The following ADAMTS16 variants were observed in gnomAD, a reference collection of about 807,000 sequenced individuals.
ADAMTS16 encodes ADAM metallopeptidase with thrombospondin type 1 motif 16.
Under a neutral mutation model 145.8 loss-of-function variants are expected in ADAMTS16, and 94 were observed. The ratio of observed to expected loss-of-function variants is 0.64; its 90% CI spans 0.55 to 0.77. The LOEUF (loss-of-function observed/expected upper bound fraction) is 0.77, where lower values mean the gene tolerates loss of function less well. Ranked by LOEUF, ADAMTS16 falls within the 30% of genes least tolerant of loss-of-function variation. The probability of loss-of-function intolerance (pLI) is 0.00; values close to 1 mark genes in which losing one functional copy is unlikely to be tolerated. For synonymous variants in ADAMTS16, 659 were observed against 604.3 expected, an observed-to-expected ratio of 1.09 and a Z score of -1.33; for missense variants, 1,585 against 1,591.5, an observed-to-expected ratio of 1.00 and a Z score of 0.07.
chr5:5,272,718 G>A (rs192530922), intron 18 of ADAMTS16, among the ~76,000 whole-genome samples: 171 of 152,284 alleles, frequency 1.1e-3, no homozygotes, highest in African/African-American at 3.8e-3. Context: ...TGGGGCCCAC[G>A]AACGGCACAG....
At chr5:5,200,391 G>A in intron 9 of ADAMTS16, 122 bp downstream of exon 9, 2 of 1,283,536 alleles carry the variant, frequency 1.6e-6, no homozygotes, top group East Asian at 2.4e-5. Context: ...CTTTGAAGGT[G>A]TCTTGAGACA....
chr5:5,232,310 T>TA, intron 11 of ADAMTS16, 58 bp from the exon 12 acceptor site: 17 of 1,607,606 alleles, frequency 1.1e-5, no homozygotes, highest in Non-Finnish European at 1.4e-5. Context: ...AGTGATGAGA[T>TA]GAACCCATCT....
At chr5:5,195,711 G>T (rs1331958809) in intron 8 of ADAMTS16, among the ~76,000 whole-genome samples, 5 of 152,196 alleles carry the variant, frequency 3.3e-5, no homozygotes, top group African/African-American at 1.2e-4. Context: ...TTATTCATCA[G>T]TCTGTCTCTT....
chr5:5,194,785 C>T (rs1242152182), intron 8 of ADAMTS16, among the ~76,000 whole-genome samples: 3 of 152,242 alleles, frequency 2.0e-5, no homozygotes, highest in Admixed American at 6.5e-5. Context: ...TATCAATGAG[C>T]TCCAAGCAGA....
At chr5:5,215,746 G>T (rs570739760) in intron 10 of ADAMTS16, among the ~76,000 whole-genome samples, 1 of 144,646 alleles carries the variant, frequency 6.9e-6, no homozygotes, top group East Asian at 2.0e-4. Context: ...ATATATATAT[G>T]TGGTGTATAT....
At chr5:5,277,160 A>G (rs1043708042) in intron 18 of ADAMTS16, among the ~76,000 whole-genome samples, 4 of 152,202 alleles carry the variant, frequency 2.6e-5, no homozygotes, top group Non-Finnish European at 5.9e-5. Flanking sequence ...GTCTCCCAGC[A>G]TGAGGTTTGC....
At chr5:5,191,867 T>A in intron 8 of ADAMTS16, 77 bp downstream of exon 8, 2 of 1,059,446 alleles carry the variant, frequency 1.9e-6, no homozygotes, top group Non-Finnish European at 2.8e-6. Context: ...TATTGACTCA[T>A]CAAGTCAAGT....
At chr5:5,207,588 A>G (rs938317141) in intron 9 of ADAMTS16, among the ~76,000 whole-genome samples, 3 of 152,176 alleles carry the variant, frequency 2.0e-5, no homozygotes, top group Non-Finnish European at 4.4e-5. Context: ...AGGGAGTGGT[A>G]AGAGGAGTCA....
chr5:5,305,159 AC>A (rs1740029451), intron 20 of ADAMTS16, among the ~76,000 whole-genome samples: 2 of 67,942 alleles, frequency 2.9e-5, no homozygotes, highest in African/African-American at 5.2e-5. Context: ...CCACACACAC[AC>A]ACATATCCCA....
intron 3 of ADAMTS16, among the ~76,000 whole-genome samples, chr5:5,166,615 A>G (rs536551476): frequency 4.3e-4 from 66 of 152,286 alleles, no homozygotes; most frequent in Non-Finnish European, 7.2e-4. Context: ...AGAGAAAAAA[A>G]TTATAAGGGA....
chr5:5,181,823 T>G (rs538679537), intron 3 of ADAMTS16, among the ~76,000 whole-genome samples: 1 of 152,162 alleles, frequency 6.6e-6, no homozygotes, highest in Non-Finnish European at 1.5e-5. Flanking sequence ...ACGCCAGCCT[T>G]TCTCCAGGTA....
intron 13 of ADAMTS16, 123 bp downstream of exon 13, chr5:5,235,309 G>T (rs948822729): frequency 1.3e-5 from 14 of 1,046,524 alleles, no homozygotes; most frequent in African/African-American, 1.6e-5. Flanking sequence ...GGTGAGGGTC[G>T]CATATTCTCT....
chr5:5,274,672 G>A (rs932529723), intron 18 of ADAMTS16, among the ~76,000 whole-genome samples: 6 of 150,390 alleles, frequency 4.0e-5, no homozygotes, highest in South Asian at 2.1e-4. Flanking sequence ...GTGTGTATAT[G>A]TGTATATATA....
At chr5:5,186,016 T>C in intron 4 of ADAMTS16, 36 bp from the exon 5 acceptor site, 1 of 1,571,138 alleles carries the variant, frequency 6.4e-7, no homozygotes, top group Non-Finnish European at 8.7e-7. Flanking sequence ...GTGTGTGACT[T>C]GTGCTTCCAT....
At chr5:5,282,117 G>T (rs1738940887) in intron 18 of ADAMTS16, among the ~76,000 whole-genome samples, 1 of 46,344 alleles carries the variant, frequency 2.2e-5, no homozygotes, top group African/African-American at 5.1e-5. Flanking sequence ...AAACTGTTTG[G>T]TCCTTGATGC....
At chr5:5,282,187 A>T (rs1738945843) in intron 18 of ADAMTS16, among the ~76,000 whole-genome samples, 1 of 152,134 alleles carries the variant, frequency 6.6e-6, no homozygotes, top group Non-Finnish European at 1.5e-5. Context: ...TGCCAGACAC[A>T]TTGATTTGTG....
chr5:5,173,121 G>A (rs1735091310), intron 3 of ADAMTS16, among the ~76,000 whole-genome samples: 1 of 146,706 alleles, frequency 6.8e-6, no homozygotes, highest in African/African-American at 2.5e-5. Flanking sequence ...TTTATTTTTA[G>A]TCACCTATGG....
At chr5:5,243,100 AT>A (rs1256410676) in intron 17 of ADAMTS16, among the ~76,000 whole-genome samples, 2 of 152,268 alleles carry the variant, frequency 1.3e-5, no homozygotes, top group African/African-American at 4.8e-5. Flanking sequence ...CATGTTCTCA[AT>A]AGTTGCTCTA....
intron 3 of ADAMTS16, among the ~76,000 whole-genome samples, chr5:5,166,471 A>C (rs1208318743): frequency 6.6e-6 from 1 of 152,178 alleles, no homozygotes; most frequent in Non-Finnish European, 1.5e-5. Flanking sequence ...GAGCTCCCAG[A>C]GAGCCTGGGG....
Sources: gnomAD v4.1 joint callset for allele counts (sites outside exome capture counted in the v4.1 genomes callset) on GRCh38, gnomAD v4.1.1 for gene constraint, MANE v1.5 for transcripts, NCBI Gene and HGNC (gene_info 2026-07-23, HGNC 2026-07-21) for gene names.